The following ARAP1 variants were observed in gnomAD, a reference collection of about 807,000 sequenced individuals.
ARAP1 encodes the protein arf-GAP with Rho-GAP domain, ANK repeat and PH domain-containing protein 1.
Under a neutral mutation model 172.2 loss-of-function variants are expected in ARAP1, and 76 were observed. That is an observed-to-expected ratio of 0.44 (90% CI 0.37 to 0.53). The LOEUF is 0.53. ARAP1 is among the 20% of genes least tolerant of loss of function. The probability of loss-of-function intolerance (pLI) is 0.00; values close to 1 mark genes in which losing one functional copy is unlikely to be tolerated. For missense variants in ARAP1, 1,686 were observed against 1,977.5 expected (o/e 0.85, Z 2.80); for synonymous variants, 804 against 803.3 (o/e 1.00, Z -0.01).
chr11:72,685,310 C>A lies in ARAP1; in HGVS notation c.*354G>T. 3.0e-6 allele frequency: 1 copy of A among 329,060 alleles called. No homozygotes were observed. The highest frequency in any genetic ancestry group is 5.7e-6 in the Non-Finnish European group (1 of 175,196). The allele number at this position is 329,060 out of a possible 1,614,324, so 20.4% of individuals were successfully genotyped here. On this transcript the variant is annotated 3_prime_UTR_variant, in exon 35 of 35. Transcript: ENST00000393609. ...TTGGGAGGAGCAGGGGGCTCCCTTCCGGCAGGGCCCCAGGGCCTCACGCCT... is the reference window on the plus strand; with the variant it reads ...TTGGGAGGAGCAGGGGGCTCCCTTCAGGCAGGGCCCCAGGGCCTCACGCCT...
At chr11:72,745,538 T>A (rs1858338909) in intron 1 of ARAP1, among the ~76,000 whole-genome samples, 1 of 151,770 alleles carries the variant, frequency 6.6e-6, no homozygotes, top group Non-Finnish European at 1.5e-5. Flanking sequence ...GGTGAAAGCC[T>A]TGCCCAGCTC....
At chr11:72,730,979 T>G (rs2135577140) in intron 2 of ARAP1, among the ~76,000 whole-genome samples, 2 of 151,468 alleles carry the variant, frequency 1.3e-5, no homozygotes, top group South Asian at 4.2e-4. Context: ...GTTAAAGGAG[T>G]AAAGAAAAGT....
In ARAP1 at chr11:72,714,249, G is replaced by T; in HGVS notation, c.582C>A (p.Pro194=). The T allele has an allele frequency of 6.5e-7, 1 of 1,534,020 alleles. No homozygotes were observed. The highest frequency in any genetic ancestry group is 2.5e-5 in the East Asian group (1 of 40,054). The change falls in exon 4 of 35, where the codon CCC becomes CCA. Residue 194 remains proline, a synonymous_variant. Transcript: ENST00000393609. ...GAGGCCCCTGGGGGAGGGTGGACAG[G>T]GGCTCCTCAGACTGTGGCTGGGGAG... ...SSPPQPQSEE[P]LSTLPQGPPQ...
intron 30 of ARAP1, among the ~76,000 whole-genome samples, chr11:72,691,292 C>T (rs776969255): frequency 9.2e-5 from 14 of 152,212 alleles, no homozygotes; most frequent in Admixed American, 3.9e-4. Context: ...CCTTAGGGAA[C>T]ATTAGATCTC....
At position 72,741,779 on chromosome 11, in the gene ARAP1, C is replaced by T. The variant is rs1200060441; in HGVS notation, c.-127-9182G>A. ...CAAGATACAGACCCTCACCACGTGC[C>T]CTGGGGGCCGAGGGCCAGCACCCAC... On this transcript the variant is annotated intron_variant, in intron 1 of 34. Transcript: ENST00000393609. This position sits in a 1 kb window ranked among gnomAD's most constrained non-coding sequence, Gnocchi z 4.5. Among the ~76,000 whole-genome samples the T allele has an allele frequency of 6.6e-6, 1 of 152,130 alleles. No homozygotes were observed. Among genetic ancestry groups the T allele is most frequent in the Non-Finnish European group, 1.5e-5 (1 of 68,012 alleles).
intron 8 of ARAP1, 33 bp downstream of exon 8, chr11:72,711,397 C>G (rs183256953): frequency 1.3e-6 from 2 of 1,598,598 alleles, no homozygotes; most frequent in East Asian, 2.3e-5. Context: ...TAGGCTGGAG[C>G]AGGGGTCGCG....
At chr11:72,685,741 G>C in intron 34 of ARAP1, 60 bp from the exon 35 acceptor site, 1 of 1,601,490 alleles carries the variant, frequency 6.2e-7, no homozygotes, top group African/African-American at 1.3e-5. Flanking sequence ...CTGGCGCCCC[G>C]CTGAAGCTGC....
intron 1 of ARAP1, among the ~76,000 whole-genome samples, chr11:72,733,954 T>C (rs1353671283): frequency 1.3e-5 from 2 of 152,152 alleles, no homozygotes; most frequent in Non-Finnish European, 2.9e-5. Context: ...GCCTCCCGAG[T>C]AGCTGGGACT....
intron 1 of ARAP1, among the ~76,000 whole-genome samples, chr11:72,738,238 T>C (rs1858091636): frequency 6.6e-6 from 1 of 152,096 alleles, no homozygotes; most frequent in Admixed American, 6.5e-5. Flanking sequence ...GAACAGAAGA[T>C]GTTTAGAGAG....
intron 33 of ARAP1, 128 bp from the exon 34 acceptor site, chr11:72,686,319 C>A: frequency 7.9e-7 from 1 of 1,258,010 alleles, no homozygotes; most frequent in Non-Finnish European, 1.1e-6. Flanking sequence ...CTTTGATCCC[C>A]GCCGATATGA....
chr11:72,718,676 G>C (rs568807207), intron 3 of ARAP1, among the ~76,000 whole-genome samples: 1 of 152,110 alleles, frequency 6.6e-6, no homozygotes, highest in African/African-American at 2.4e-5. Flanking sequence ...TAGGCACCCC[G>C]GGCAGCTAAG....
At chr11:72,709,849 G>A in intron 11 of ARAP1, 21 bp downstream of exon 11, 1 of 1,610,938 alleles carries the variant, frequency 6.2e-7, no homozygotes. Flanking sequence ...ATGCCGGTGA[G>A]CCAAGAAGAT....
At position 72,698,017 on chromosome 11, in the gene ARAP1, C is replaced by T. The variant is rs558852934; in HGVS notation, c.2631G>A (p.Gln877=). The T allele has an allele frequency of 8.9e-5, 144 of 1,610,776 alleles. No individual in the cohort carries two copies. Among genetic ancestry groups the T allele is most frequent in the Non-Finnish European group, 1.2e-4 (141 of 1,178,818 alleles). ...GAGAGAACCAGCCCTCCTGGGCCCG[C>T]TGTAGGCTCAGGCCAGCTTTGTAGG... ...RLPYKAGLSL[Q]RAQEGWFSLS... The change falls in exon 19 of 35, where the codon CAG becomes CAA. Residue 877 remains glutamine (Q), a synonymous_variant. Transcript: ENST00000393609.
Position 72,704,484 on chromosome 11 carries a change from C to G in ARAP1, c.1810-150G>C, listed in dbSNP as rs866259392. On this transcript the variant is annotated intron_variant, in intron 13 of 34. Transcript: ENST00000393609. ...AATGGGGAAGGTGAGGACAGCCTGGCCTGCTGGTGGCTGGGGATGCTCCTG... is the reference window on the plus strand; with the variant it reads ...AATGGGGAAGGTGAGGACAGCCTGGGCTGCTGGTGGCTGGGGATGCTCCTG... 2.3e-4 allele frequency: 188 copies of G among 830,794 alleles called. No individual in the cohort carries two copies. In the Middle Eastern group the frequency reaches 4.8e-3, roughly 21 times the overall value. 51.5% of individuals were successfully genotyped at this position (830,794 alleles called of 1,614,324 possible). A position where few individuals can be genotyped will look rare whatever the true frequency, so the allele number is the denominator to read the frequency against.
rs569018334 is a variant in ARAP1, at chr11:72,697,005, G to C, written c.3144C>G (p.Arg1048=). The C allele has an allele frequency of 1.2e-6, 2 of 1,607,332 alleles. No individual in the cohort carries two copies. The highest frequency in any genetic ancestry group is 2.7e-5 in the African/African-American group (2 of 75,072). The part of the protein sequence containing the change: ...LPDGLFTRAQ[R]LTWLEASEIE... ...CACCTGAGGCCTCCAGCCAGGTTAG[G>C]CGCTGGGCGCGAGTGAAGAGCCCAT... is the stretch of plus-strand genomic sequence containing the variant. The change falls in exon 22 of 35, where the codon CGC becomes CGG. Residue 1048 remains arginine, a synonymous_variant. Coordinates refer to ENST00000393609, the MANE Select transcript of ARAP1 (RefSeq NM_001040118.3).
chr11:72,731,852 C>A (rs1054656932), intron 2 of ARAP1, among the ~76,000 whole-genome samples: 5 of 152,156 alleles, frequency 3.3e-5, no homozygotes, highest in Non-Finnish European at 7.3e-5. Flanking sequence ...ACTTTAACAC[C>A]ATCCCAACTA....
intron 33 of ARAP1, among the ~76,000 whole-genome samples, chr11:72,687,066 T>TC (rs938736810): frequency 1.3e-5 from 2 of 152,154 alleles, no homozygotes; most frequent in African/African-American, 4.8e-5. Context: ...CTAGAAGTCA[T>TC]CCCCCTCCTC....
intron 31 of ARAP1, 24 bp from the exon 32 acceptor site, chr11:72,687,762 T>G (rs377486073): frequency 6.2e-7 from 1 of 1,613,596 alleles, no homozygotes; most frequent in Admixed American, 1.7e-5. Context: ...AGGGAGAGAG[T>G]TGGGTGTTTG....
In ARAP1 at chr11:72,699,134, G is replaced by A. The variant is rs114839018; in HGVS notation, c.2439-27C>T. On this transcript the variant is annotated intron_variant, in intron 17 of 34. Transcript: ENST00000393609. This position sits in a 1 kb window ranked among gnomAD's most constrained non-coding sequence, Gnocchi z 4.2. Reference sequence around the variant, plus strand: ...TGCAAATACACAGGCCAGGACTCAGGCCCACCTCATCCAGCACGGGCCCAC... The same window carrying A: ...TGCAAATACACAGGCCAGGACTCAGACCCACCTCATCCAGCACGGGCCCAC... The A allele has an allele frequency of 3.6e-3, 5,842 of 1,611,004 alleles. 166 individuals are homozygous for A. In the African/African-American group the frequency reaches 0.069, roughly 19 times the overall value.
Sources: allele counts gnomAD v4.1 joint callset (sites outside exome capture counted in the v4.1 genomes callset), GRCh38; gene constraint gnomAD v4.1.1; non-coding constraint Gnocchi (gnomAD v3.1); transcripts MANE v1.5; gene names NCBI Gene and HGNC (gene_info 2026-07-23, HGNC 2026-07-21).